Variants in BTN1A1 observed in about 807,000 individuals in gnomAD.
The protein encoded by BTN1A1 is bK14H9.2 (butyrophilin, subfamily 1, member A1).
BTN1A1 carries 26 observed loss-of-function variants against 33.1 expected under a neutral mutation model. The ratio of observed to expected loss-of-function variants is 0.79; its 90% CI spans 0.58 to 1.09. The LOEUF (loss-of-function observed/expected upper bound fraction) is 1.09. BTN1A1 is among the 50% of genes least tolerant of loss of function. The probability of loss-of-function intolerance (pLI) is 0.00; values close to 1 mark genes in which losing one functional copy is unlikely to be tolerated. For missense variants in BTN1A1, 558 were observed against 655.7 expected, an observed-to-expected ratio of 0.85 and a Z score of 1.63; for synonymous variants, 235 against 256.2, an observed-to-expected ratio of 0.92 and a Z score of 0.79.
intron 5 of BTN1A1, 117 bp from the exon 6 acceptor site, chr6:26,507,833 A>G: frequency 9.6e-7 from 1 of 1,045,968 alleles, no homozygotes; most frequent in Middle Eastern, 2.1e-4. Context: ...CAATGCTTCA[A>G]TATTCAAATA....
In BTN1A1 at chr6:26,501,223, C is replaced by G; in HGVS notation, c.-57-7C>G. 1 of 1,368,200 alleles carries G rather than the reference C, an allele frequency of 7.3e-7. No homozygotes were observed. Among genetic ancestry groups the G allele is most frequent in the Non-Finnish European group, 1.0e-6 (1 of 967,118 alleles). The allele number at this position is 1,368,200 out of a possible 1,614,324, so 84.8% of individuals were successfully genotyped here. A position where few individuals can be genotyped will look rare whatever the true frequency, so the allele number is the denominator to read the frequency against. On this transcript the variant is annotated splice_region_variant and splice_polypyrimidine_tract_variant and intron_variant, in intron 1 of 7. Coordinates refer to ENST00000684113, the MANE Select transcript of BTN1A1 (RefSeq NM_001732.3). This position sits in a 1 kb window ranked among gnomAD's most constrained non-coding sequence, Gnocchi z 5.2. ...CGGTAGTTGTCTCCTGTCCATTCAT[C>G]TCCTAGGCTGAAGCTCCTGAGGGGA...
rs1763893362 is a variant in BTN1A1, at chr6:26,507,990, T to C, written c.880+20T>C. 6.2e-7 allele frequency: 1 copy of C among 1,613,886 alleles called. No homozygotes were observed. The highest frequency in any genetic ancestry group is 1.3e-5 in the African/African-American group (1 of 74,912). The stretch of plus-strand genomic sequence containing the variant: ...AACTCAGTAAGTTCTGTCTTCTTGT[T>C]ATTTCACCCACAGAGTTTTCTCTCT... On this transcript the variant is annotated intron_variant, in intron 6 of 7. Coordinates refer to ENST00000684113, the MANE Select transcript of BTN1A1 (RefSeq NM_001732.3).
chr6:26,507,496 T>C (rs1002243035), intron 5 of BTN1A1, among the ~76,000 whole-genome samples: 3 of 152,056 alleles, frequency 2.0e-5, no homozygotes, highest in Admixed American at 1.3e-4. Flanking sequence ...GAGGCCGAGA[T>C]GGGTGGAACA....
rs767935680 is a variant in BTN1A1, at chr6:26,506,739, G to T, written c.766G>T (p.Val256Phe). Residue 256 changes from valine to phenylalanine, a missense_variant, in exon 5 of 8, where the codon GTT becomes TTT. By Grantham distance (50) the Val-to-Phe change is conservative. Transcript: ENST00000684113. ...WIVAVAVILM[V>F]LGLLTIGSIF... Reference sequence around the variant, plus strand: ...AGTGGCTGTGGCTGTCATCCTGATGGTTCTAGGACTTCTCACCATTGGGTC... The same window carrying T: ...AGTGGCTGTGGCTGTCATCCTGATGTTTCTAGGACTTCTCACCATTGGGTC... 9.3e-6 allele frequency: 15 copies of T among 1,614,040 alleles called. No individual in the cohort carries two copies. The highest frequency in any genetic ancestry group is 1.3e-5 in the Non-Finnish European group (15 of 1,180,000).
chr6:26,508,365 A>G (rs1763898574), intron 7 of BTN1A1, 136 bp from the exon 8 acceptor site: 2 of 1,068,798 alleles, frequency 1.9e-6, no homozygotes, highest in African/African-American at 3.2e-5. Flanking sequence ...GAGACCCCTG[A>G]GCAGGCCAAA....
rs542740353 is a variant in BTN1A1 at position 26,508,710 on chromosome 6, G to A, written c.1117G>A (p.Gly373Ser). 64 of 1,614,114 alleles carry A rather than the reference G, an allele frequency of 4.0e-5. No homozygotes were observed. In the Middle Eastern group the frequency reaches 1.3e-3, roughly 33 times the overall value. The change falls in exon 8 of 8, where the codon GGC becomes AGC. Residue 373 changes from glycine (G) to serine (S), a missense_variant. Coordinates refer to ENST00000684113, the MANE Select transcript of BTN1A1 (RefSeq NM_001732.3). ...GGGAGACAGGACTGACTGGGCAATC[G>A]GCGTGTGTAGGGAGAATGTGATGAA... ...EVGDRTDWAI[G>S]VCRENVMKKG...
intron 3 of BTN1A1, among the ~76,000 whole-genome samples, chr6:26,503,226 G>A (rs112068851): frequency 0.04 from 6,063 of 151,980 alleles, 134 homozygotes; most frequent in Middle Eastern, 0.065. Context: ...TCTCACGCCT[G>A]TAATCCCAGC....
intron 7 of BTN1A1, 49 bp downstream of exon 7, chr6:26,508,136 A>T (rs769219364): frequency 1.3e-6 from 2 of 1,550,008 alleles, no homozygotes; most frequent in Non-Finnish European, 1.7e-6. Context: ...ATCCCCTAGG[A>T]ATTCAAAGTG....
intron 5 of BTN1A1, 122 bp from the exon 6 acceptor site, chr6:26,507,828 C>T: frequency 2.0e-6 from 2 of 1,002,000 alleles, no homozygotes; most frequent in South Asian, 3.0e-5. Context: ...ATTGGCAATG[C>T]TTCAATATTC....
chr6:26,509,084 G>A lies in BTN1A1; in HGVS notation c.1491G>A (p.Leu497=), dbSNP rs1561885809. ...NAQDLSKEIP[L]SPMGEDSAPR... ...AGGACCTTTCTAAGGAGATCCCATTGTCCCCCATGGGGGAGGACTCTGCCC... is the reference window on the plus strand; with the variant it reads ...AGGACCTTTCTAAGGAGATCCCATTATCCCCCATGGGGGAGGACTCTGCCC... Residue 497 remains leucine, a synonymous_variant, in exon 8 of 8, where the codon TTG becomes TTA. Coordinates refer to ENST00000684113, the MANE Select transcript of BTN1A1 (RefSeq NM_001732.3). The A allele has an allele frequency of 1.9e-6, 3 of 1,613,902 alleles. No individual in the cohort carries two copies. Among genetic ancestry groups the A allele is most frequent in the Non-Finnish European group, 2.5e-6 (3 of 1,179,828 alleles).
At chr6:26,506,963 G>C in intron 5 of BTN1A1, 131 bp downstream of exon 5, 1 of 1,159,080 alleles carries the variant, frequency 8.6e-7, no homozygotes, top group South Asian at 1.5e-5. Context: ...GCTCACGCCT[G>C]TAATCCCAGC....
At position 26,500,786 on chromosome 6, in the gene BTN1A1, G is replaced by A. The variant is rs552711714; in HGVS notation, c.-58+428G>A. On this transcript the variant is annotated intron_variant, in intron 1 of 7. Coordinates refer to ENST00000684113, the MANE Select transcript of BTN1A1 (RefSeq NM_001732.3). Reference sequence around the variant, plus strand: ...AAAAAATAGCGGGGCATGGTGGTGCGCGCCTGTAGTCCCAGCTACTCCGGA... The same window carrying A: ...AAAAAATAGCGGGGCATGGTGGTGCACGCCTGTAGTCCCAGCTACTCCGGA... Among the ~76,000 whole-genome samples the A allele has an allele frequency of 8.5e-5, 13 of 152,112 alleles. No individual in the cohort carries two copies. The South Asian group carries it at 2.7e-3, about 32-fold the overall frequency.
At chr6:26,504,469 C>T (rs1763844325) in intron 3 of BTN1A1, among the ~76,000 whole-genome samples, 1 of 150,878 alleles carries the variant, frequency 6.6e-6, no homozygotes. Context: ...TTTATTGGTA[C>T]TTCAATTTCC....
chr6:26,501,592 C>G lies in BTN1A1; in HGVS notation c.82C>G (p.Pro28Ala), dbSNP rs780235845. 1.2e-6 allele frequency: 2 copies of G among 1,613,264 alleles called. No homozygotes were observed. The highest frequency in any genetic ancestry group is 3.3e-5 in the Admixed American group (2 of 60,008). The change falls in exon 3 of 8, where the codon CCC becomes GCC. Residue 28 changes from proline to alanine, a missense_variant and splice_region_variant. By Grantham distance (27) the Pro-to-Ala change is conservative (BLOSUM62 -1). Transcript: ENST00000684113. This position sits in a 1 kb window ranked among gnomAD's most constrained non-coding sequence, Gnocchi z 5.2. The part of the protein sequence containing the change: ...LLQLPKLDSA[P>A]FDVIGPPEPI... ...TGATCCCGCTCGTTTTTCGGCAGCT[C>G]CCTTTGACGTGATTGGACCCCCGGA... is the stretch of plus-strand genomic sequence containing the variant.
rs752873211 is a variant in BTN1A1, at chr6:26,508,827, C to T, written c.1234C>T (p.Pro412Ser). The change falls in exon 8 of 8, where the codon CCT becomes TCT. Residue 412 changes from proline (P) to serine (S), a missense_variant. Pro to Ser is a moderately conservative substitution (Grantham distance 74). Transcript: ENST00000684113. The part of the protein sequence containing the change: ...GYWALTPLRT[P>S]LPLAGPPRRV... Reference sequence around the variant, plus strand: ...CTGGGCCCTCACTCCTCTCCGGACCCCTCTCCCATTGGCAGGGCCCCCACG... The same window carrying T: ...CTGGGCCCTCACTCCTCTCCGGACCTCTCTCCCATTGGCAGGGCCCCCACG... The T allele has an allele frequency of 6.2e-7, 1 of 1,614,180 alleles. No individual in the cohort carries two copies. Among genetic ancestry groups the T allele is most frequent in the East Asian group, 2.2e-5 (1 of 44,886 alleles).
At chr6:26,508,367 C>T in intron 7 of BTN1A1, 134 bp from the exon 8 acceptor site, 2 of 1,081,152 alleles carry the variant, frequency 1.8e-6, no homozygotes, top group South Asian at 1.5e-5. Flanking sequence ...GACCCCTGAG[C>T]AGGCCAAACA....
In BTN1A1 at chr6:26,501,108, T is replaced by C; in HGVS notation, c.-57-122T>C. On this transcript the variant is annotated intron_variant, in intron 1 of 7. Transcript: ENST00000684113. This position sits in a 1 kb window ranked among gnomAD's most constrained non-coding sequence, Gnocchi z 5.2. Reference sequence around the variant, plus strand: ...AAAAATCCATACTGGGGATGGAGGCTGAGAGGAGGTTTCAGGGGCAAATGA... The same window carrying C: ...AAAAATCCATACTGGGGATGGAGGCCGAGAGGAGGTTTCAGGGGCAAATGA... The C allele has an allele frequency of 1.6e-6, 1 of 627,224 alleles. No individual in the cohort carries two copies. Among genetic ancestry groups the C allele is most frequent in the Middle Eastern group, 4.3e-4 (1 of 2,352 alleles). 38.9% of individuals were successfully genotyped at this position (627,224 alleles called of 1,614,324 possible).
In BTN1A1 at chr6:26,501,215, C is replaced by T; in HGVS notation, c.-57-15C>T. The T allele has an allele frequency of 8.0e-7, 1 of 1,255,548 alleles. No homozygotes were observed. The highest frequency in any genetic ancestry group is 1.2e-5 in the South Asian group (1 of 83,178). The allele number at this position is 1,255,548 out of a possible 1,614,324, so 77.8% of individuals were successfully genotyped here. ...GACAGAGCCGGTAGTTGTCTCCTGTCCATTCATCTCCTAGGCTGAAGCTCC... is the reference window on the plus strand; with the variant it reads ...GACAGAGCCGGTAGTTGTCTCCTGTTCATTCATCTCCTAGGCTGAAGCTCC... On this transcript the variant is annotated splice_polypyrimidine_tract_variant and intron_variant, in intron 1 of 7. Coordinates refer to ENST00000684113, the MANE Select transcript of BTN1A1 (RefSeq NM_001732.3). This position sits in a 1 kb window ranked among gnomAD's most constrained non-coding sequence, Gnocchi z 5.2.
chr6:26,506,637 G>A, intron 4 of BTN1A1, 46 bp from the exon 5 acceptor site: 1 of 1,601,070 alleles, frequency 6.2e-7, no homozygotes, highest in East Asian at 2.2e-5. Context: ...AGCTGGACTT[G>A]CTCAGAATTT....
Sources: gnomAD v4.1 joint callset for allele counts (sites outside exome capture counted in the v4.1 genomes callset) on GRCh38, gnomAD v4.1.1 for gene constraint, Gnocchi (gnomAD v3.1) non-coding constraint, MANE v1.5 for transcripts, NCBI Gene and HGNC (gene_info 2026-07-23, HGNC 2026-07-21) for gene names.